ZNF385D: variants seen among roughly 807,000 people sequenced by gnomAD.
The protein encoded by ZNF385D is zinc finger protein 659.
ZNF385D carries 15 observed loss-of-function variants against 35.8 expected under a neutral mutation model. The observed-to-expected ratio is 0.42, with a 90% confidence interval of 0.28 to 0.64. ZNF385D has a LOEUF of 0.64. Ranked by LOEUF, ZNF385D falls within the 30% of genes least tolerant of loss-of-function variation. The pLI, the probability that ZNF385D is intolerant of heterozygous loss-of-function variation, is 0.23. For missense variants in ZNF385D, 474 were observed against 494.6 expected (o/e 0.96, Z 0.39); for synonymous variants, 212 against 186.8 (o/e 1.13, Z -1.10).
intron 3 of ZNF385D, among the ~76,000 whole-genome samples, chr3:21,853,424 T>C (rs1398795915): frequency 6.6e-6 from 1 of 151,728 alleles, no homozygotes; most frequent in East Asian, 1.9e-4. Flanking sequence ...TATAGCATGA[T>C]GGTGATCAAG....
intron 3 of ZNF385D, among the ~76,000 whole-genome samples, chr3:21,951,638 C>A (rs960480191): frequency 6.6e-6 from 1 of 151,612 alleles, no homozygotes; most frequent in African/African-American, 2.4e-5. Context: ...GTCTCCACTA[C>A]TTGTTTTCCA....
At chr3:21,534,129 T>TA (rs5847109) in intron 3 of ZNF385D, among the ~76,000 whole-genome samples, 29,939 of 147,704 alleles carry the variant, frequency 0.2, 3,202 homozygotes, top group African/African-American at 0.28. Context: ...TCACAGAAGT[T>TA]AAAAAAAAAA....
At chr3:21,607,545 G>A (rs1311296783) in intron 2 of ZNF385D, among the ~76,000 whole-genome samples, 1 of 152,132 alleles carries the variant, frequency 6.6e-6, no homozygotes, top group Non-Finnish European at 1.5e-5. Flanking sequence ...AATGTCCTCT[G>A]CCAATCATTT....
chr3:22,334,310 G>A (rs1575141097), intron 2 of ZNF385D, among the ~76,000 whole-genome samples: 1 of 151,828 alleles, frequency 6.6e-6, no homozygotes, highest in Admixed American at 6.6e-5. Flanking sequence ...CTTTAATTAT[G>A]TATTTAGTGA....
intron 2 of ZNF385D, among the ~76,000 whole-genome samples, chr3:22,216,217 A>T (rs1200736320): frequency 6.6e-6 from 1 of 151,984 alleles, no homozygotes; most frequent in Non-Finnish European, 1.5e-5. Flanking sequence ...TTATGTTAAT[A>T]AAACATTTTT....
exon 2 of ZNF385D, chr3:22,372,497 C>T: frequency 1.0e-6 from 1 of 985,752 alleles, no homozygotes; most frequent in Non-Finnish European, 1.2e-6. Flanking sequence ...TTCTCTCCTT[C>T]CTCCCACCGA....
At chr3:22,344,177 G>GGGGTGTGTGTGTGTGT (rs1553652922) in intron 2 of ZNF385D, among the ~76,000 whole-genome samples, 7 of 140,846 alleles carry the variant, frequency 5.0e-5, no homozygotes, top group African/African-American at 1.9e-4. Flanking sequence ...GGTGGGGTGG[G>GGGGTGTGTGTGTGTGT]GTGTGTGTGT....
At chr3:21,679,125 G>A (rs573189533) in intron 1 of ZNF385D, among the ~76,000 whole-genome samples, 1 of 151,598 alleles carries the variant, frequency 6.6e-6, no homozygotes, top group East Asian at 2.0e-4. Context: ...CCAAATTCCA[G>A]TGTTTTCATG....
intron 3 of ZNF385D, among the ~76,000 whole-genome samples, chr3:22,144,551 C>A (rs1181114842): frequency 9.2e-6 from 1 of 108,684 alleles, no homozygotes; most frequent in Non-Finnish European, 1.7e-5. Flanking sequence ...CCAGCCTAGG[C>A]AACAGGGTGA....
intron 3 of ZNF385D, among the ~76,000 whole-genome samples, chr3:21,563,470 T>C (rs1315390146): frequency 6.6e-6 from 1 of 152,238 alleles, no homozygotes; most frequent in African/African-American, 2.4e-5. Context: ...TTAGTAAGTA[T>C]GAGTTCTTAA....
intron 3 of ZNF385D, among the ~76,000 whole-genome samples, chr3:21,542,588 T>G (rs2062210993): frequency 1.3e-5 from 2 of 152,128 alleles, no homozygotes; most frequent in African/African-American, 4.8e-5. Context: ...CTGCCAGTGA[T>G]CCTCTTACTT....
intron 3 of ZNF385D, among the ~76,000 whole-genome samples, chr3:21,770,848 A>G (rs2071043862): frequency 6.6e-6 from 1 of 152,202 alleles, no homozygotes; most frequent in African/African-American, 2.4e-5. Context: ...CCAAATGTCC[A>G]ACAATGATAG....
intron 3 of ZNF385D, among the ~76,000 whole-genome samples, chr3:21,999,041 T>TTTC (rs1318236747): frequency 2.0e-5 from 3 of 152,232 alleles, no homozygotes; most frequent in African/African-American, 7.2e-5. Context: ...AAGGCTTTAC[T>TTTC]ACACCTCCTA....
intron 3 of ZNF385D, among the ~76,000 whole-genome samples, chr3:22,145,892 G>A (rs765582601): frequency 6.6e-6 from 1 of 151,830 alleles, no homozygotes; most frequent in Non-Finnish European, 1.5e-5. Flanking sequence ...CCAAGTAGTT[G>A]GAAATAAGAG....
At chr3:22,169,925 G>A (rs1694291231) in intron 2 of ZNF385D, among the ~76,000 whole-genome samples, 4 of 152,178 alleles carry the variant, frequency 2.6e-5, no homozygotes, top group Non-Finnish European at 5.9e-5. Context: ...CTACTAAGTA[G>A]CTGGAACTAC....
chr3:21,441,449 C>T (rs538178620), intron 4 of ZNF385D, among the ~76,000 whole-genome samples: 1 of 152,228 alleles, frequency 6.6e-6, no homozygotes, highest in African/African-American at 2.4e-5. Context: ...GTTGCATGTG[C>T]TCTTCATTTG....
chr3:21,885,163 T>C (rs568893288), intron 3 of ZNF385D, among the ~76,000 whole-genome samples: 32 of 152,180 alleles, frequency 2.1e-4, no homozygotes, highest in Admixed American at 1.5e-3. Flanking sequence ...ATGCAGCTGT[T>C]ACATTGAGAA....
intron 3 of ZNF385D, among the ~76,000 whole-genome samples, chr3:22,137,197 A>G (rs964169619): frequency 2.0e-5 from 3 of 152,226 alleles, no homozygotes; most frequent in African/African-American, 7.2e-5. Context: ...TAGTTCATTA[A>G]AAGTCCAGGA....
At chr3:21,984,209 C>T (rs1439529873) in intron 3 of ZNF385D, among the ~76,000 whole-genome samples, 3 of 146,742 alleles carry the variant, frequency 2.0e-5, no homozygotes, top group Admixed American at 6.6e-5. Flanking sequence ...GTTGCCATTG[C>T]TTTTGGTGTT....
Sources: gnomAD v4.1 joint callset for allele counts (sites outside exome capture counted in the v4.1 genomes callset) on GRCh38, gnomAD v4.1.1 for gene constraint, MANE v1.5 for transcripts, NCBI Gene and HGNC (gene_info 2026-07-23, HGNC 2026-07-21) for gene names.